The following FILIP1 variants were observed in gnomAD, a reference collection of about 807,000 sequenced individuals.
FILIP1 encodes the protein filamin A interacting protein 1.
Under a neutral mutation model 102.1 loss-of-function variants are expected in FILIP1, and 61 were observed. That is an observed-to-expected ratio of 0.60 (90% CI 0.49 to 0.74). The LOEUF is 0.74. FILIP1 is among the 30% of genes least tolerant of loss of function. The pLI, the probability that FILIP1 is intolerant of heterozygous loss-of-function variation, is 0.00. For synonymous variants in FILIP1, 491 were observed against 526.9 expected, an observed-to-expected ratio of 0.93 and a Z score of 0.93; for missense variants, 1,314 against 1,441.2, an observed-to-expected ratio of 0.91 and a Z score of 1.43.
At chr6:75,493,255 A>T (rs902395804) in intron 1 of FILIP1, among the ~76,000 whole-genome samples, 159 bp downstream of exon 1, 1 of 152,248 alleles carries the variant, frequency 6.6e-6, no homozygotes. Context: ...TGACTTTTTA[A>T]AAATAATTCA....
chr6:75,423,403 A>G (rs998953340), intron 1 of FILIP1, among the ~76,000 whole-genome samples: 3 of 152,090 alleles, frequency 2.0e-5, no homozygotes, highest in African/African-American at 4.8e-5. Context: ...TTATACGACA[A>G]TCGGTGAAGG....
intron 5 of FILIP1, among the ~76,000 whole-genome samples, chr6:75,309,214 T>C (rs1037094165): frequency 1.3e-5 from 2 of 152,114 alleles, no homozygotes; most frequent in Non-Finnish European, 2.9e-5. Flanking sequence ...AGGCAAAAAC[T>C]CAGGCAACTT....
chr6:75,438,900 CTG>C (rs1778111621), intron 1 of FILIP1, among the ~76,000 whole-genome samples: 4 of 152,122 alleles, frequency 2.6e-5, no homozygotes, highest in Non-Finnish European at 4.4e-5. Context: ...AAAAGCCAAA[CTG>C]TGACTAAAAG....
chr6:75,333,718 A>G (rs1774152261), intron 4 of FILIP1, among the ~76,000 whole-genome samples: 1 of 152,218 alleles, frequency 6.6e-6, no homozygotes, highest in Non-Finnish European at 1.5e-5. Context: ...GTTTTGGCCA[A>G]ATGAAGTTCT....
At chr6:75,397,020 T>TG (rs1776484617) in intron 2 of FILIP1, among the ~76,000 whole-genome samples, 1 of 56,052 alleles carries the variant, frequency 1.8e-5, no homozygotes, top group African/African-American at 7.3e-5. Context: ...TATTGTGGGG[T>TG]GGGGGGAGGG....
chr6:75,417,078 G>A (rs1177128788), intron 1 of FILIP1, among the ~76,000 whole-genome samples: 1 of 151,972 alleles, frequency 6.6e-6, no homozygotes, highest in Non-Finnish European at 1.5e-5. Context: ...ACCCATTTTA[G>A]AATTATGTAA....
chr6:75,323,541 T>A (rs940220410), intron 4 of FILIP1, among the ~76,000 whole-genome samples: 3 of 152,034 alleles, frequency 2.0e-5, no homozygotes, highest in Admixed American at 6.6e-5. Flanking sequence ...GTGGGGAAGG[T>A]AAAGAGAAGG....
intron 4 of FILIP1, among the ~76,000 whole-genome samples, chr6:75,321,800 C>CAA (rs989422573): frequency 1.9e-4 from 15 of 77,078 alleles, no homozygotes; most frequent in Admixed American, 4.5e-4. Flanking sequence ...GACTCCGTCT[C>CAA]AAAAAAAAAA....
chr6:75,336,366 T>G (rs1005364445), intron 4 of FILIP1, among the ~76,000 whole-genome samples: 2 of 152,168 alleles, frequency 1.3e-5, no homozygotes, highest in African/African-American at 4.8e-5. Context: ...TAAAATAATG[T>G]AAGTCAGGGC....
chr6:75,442,243 G>C (rs1002646342), intron 1 of FILIP1, among the ~76,000 whole-genome samples: 1 of 151,796 alleles, frequency 6.6e-6, no homozygotes, highest in East Asian at 2.0e-4. Context: ...GATGGTGGCC[G>C]GGCAGAGACG....
chr6:75,473,524 G>GAA (rs200443301), intron 1 of FILIP1, among the ~76,000 whole-genome samples: 1 of 145,574 alleles, frequency 6.9e-6, no homozygotes, highest in African/African-American at 2.5e-5. Flanking sequence ...AGTGTTTCAA[G>GAA]AAAAAAAAAA....
At chr6:75,389,111 T>G (rs890019515) in intron 2 of FILIP1, among the ~76,000 whole-genome samples, 2 of 152,224 alleles carry the variant, frequency 1.3e-5, no homozygotes, top group Non-Finnish European at 2.9e-5. Context: ...AGGCCTTTTC[T>G]GCATCTATTG....
chr6:75,485,064 GA>G (rs960838993), intron 1 of FILIP1, among the ~76,000 whole-genome samples: 2 of 150,224 alleles, frequency 1.3e-5, no homozygotes, highest in East Asian at 3.9e-4. Context: ...CTGGGTGGGT[GA>G]AAAAAAAATT....
intron 4 of FILIP1, among the ~76,000 whole-genome samples, chr6:75,342,314 T>C (rs943651164): frequency 3.3e-5 from 5 of 152,246 alleles, no homozygotes; most frequent in Non-Finnish European, 4.4e-5. Context: ...GCACATCATA[T>C]GTAATCTGAA....
intron 1 of FILIP1, among the ~76,000 whole-genome samples, chr6:75,432,649 T>G (rs2149709605): frequency 6.6e-6 from 1 of 152,272 alleles, no homozygotes; most frequent in African/African-American, 2.4e-5. Context: ...GAGAGTGAAT[T>G]TTTTTAAAGA....
chr6:75,317,262 G>A (rs1010528564), intron 4 of FILIP1, among the ~76,000 whole-genome samples: 3 of 152,182 alleles, frequency 2.0e-5, no homozygotes, highest in Non-Finnish European at 4.4e-5. Context: ...AATTTTTTGT[G>A]TGTGAAAAAT....
chr6:75,428,665 T>A (rs550330917), intron 1 of FILIP1, among the ~76,000 whole-genome samples: 2 of 152,180 alleles, frequency 1.3e-5, no homozygotes, highest in Non-Finnish European at 2.9e-5. Context: ...CTTAGTTGGA[T>A]AAAAATAATA....
intron 2 of FILIP1, among the ~76,000 whole-genome samples, chr6:75,406,203 A>G (rs765146251): frequency 6.6e-6 from 1 of 152,088 alleles, no homozygotes; most frequent in East Asian, 1.9e-4. Context: ...CCTTCAGACT[A>G]TTTTGTGGGA....
chr6:75,442,560 C>G (rs1034176986), intron 1 of FILIP1, among the ~76,000 whole-genome samples: 1 of 150,200 alleles, frequency 6.7e-6, no homozygotes, highest in African/African-American at 2.4e-5. Flanking sequence ...GAGACCAGCC[C>G]GGCCAACACA....
Sources: gnomAD v4.1 joint callset for allele counts (sites outside exome capture counted in the v4.1 genomes callset) on GRCh38, gnomAD v4.1.1 for gene constraint, MANE v1.5 for transcripts, NCBI Gene and HGNC (gene_info 2026-07-23, HGNC 2026-07-21) for gene names.